SPATA13: variants seen among roughly 807,000 people sequenced by gnomAD.
SPATA13 encodes the protein spermatogenesis-associated protein 13.
In SPATA13, 50 loss-of-function variants were observed where a neutral mutation model predicts 104.0. The ratio of observed to expected loss-of-function variants is 0.48; its 90% confidence interval spans 0.38 to 0.61. The LOEUF is 0.61. SPATA13 is among the 20% of genes least tolerant of loss of function. The pLI is 0.00. For missense variants in SPATA13, 1,524 were observed against 1,690.6 expected (o/e 0.90, Z 1.73); for synonymous variants, 606 against 667.5 (o/e 0.91, Z 1.42).
chr13:24,271,831 G>T (rs1270071455), intron 4 of SPATA13, among the ~76,000 whole-genome samples: 1 of 152,208 alleles, frequency 6.6e-6, no homozygotes, highest in African/African-American at 2.4e-5. Context: ...TTTGTAGTCT[G>T]TGCTTTCTTC....
intron 4 of SPATA13, among the ~76,000 whole-genome samples, chr13:24,278,389 A>G (rs1875175545): frequency 6.6e-6 from 1 of 152,194 alleles, no homozygotes; most frequent in Non-Finnish European, 1.5e-5. Flanking sequence ...AGCTTAAATC[A>G]GTGCCTAGCA....
upstream of SPATA13, among the ~76,000 whole-genome samples, chr13:24,158,714 T>C (rs1229364248): frequency 6.6e-6 from 1 of 152,156 alleles, no homozygotes; most frequent in East Asian, 1.9e-4. Context: ...CTGTATGTGC[T>C]AAGTTGATAG....
intron 3 of SPATA13, among the ~76,000 whole-genome samples, chr13:24,137,723 C>T (rs1435714120): frequency 6.6e-6 from 1 of 152,158 alleles, no homozygotes; most frequent in Non-Finnish European, 1.5e-5. Context: ...CATGCTAATG[C>T]ACTCCAGCCT....
At chr13:24,120,137 C>T (rs946295717) in intron 3 of SPATA13, among the ~76,000 whole-genome samples, 1 of 152,104 alleles carries the variant, frequency 6.6e-6, no homozygotes, top group African/African-American at 2.4e-5. Flanking sequence ...AGTCCTCAGC[C>T]CTGTCTCCCT....
intron 4 of SPATA13, among the ~76,000 whole-genome samples, chr13:24,264,401 G>T (rs1226497164): frequency 2.0e-5 from 3 of 151,894 alleles, no homozygotes; most frequent in Admixed American, 6.6e-5. Context: ...TACAGACAAG[G>T]TCAGGCCTTA....
At chr13:24,059,902 G>A (rs945908945) in intron 3 of SPATA13, among the ~76,000 whole-genome samples, 1 of 152,154 alleles carries the variant, frequency 6.6e-6, no homozygotes, top group African/African-American at 2.4e-5. Context: ...AGTGGTAAGA[G>A]GGGCATCCTT....
intron 2 of SPATA13, among the ~76,000 whole-genome samples, chr13:23,993,553 G>T (rs1875517054): frequency 6.6e-6 from 1 of 152,206 alleles, no homozygotes; most frequent in Admixed American, 6.5e-5. Flanking sequence ...TTTCTGCCAA[G>T]GACGTTCTCG....
intron 3 of SPATA13, 160 bp from the exon 4 acceptor site, chr13:24,251,558 T>C: frequency 6.8e-7 from 1 of 1,479,232 alleles, no homozygotes; most frequent in East Asian, 2.3e-5. Context: ...GCATCATGAG[T>C]TGCCACTGGG....
intron 1 of SPATA13, among the ~76,000 whole-genome samples, chr13:24,192,415 TCTC>T (rs1869812727): frequency 6.6e-6 from 1 of 152,022 alleles, no homozygotes; most frequent in Non-Finnish European, 1.5e-5. Flanking sequence ...CTACTCTAGT[TCTC>T]CTCCTGCCCC....
At chr13:24,061,049 A>G (rs940756602) in intron 3 of SPATA13, among the ~76,000 whole-genome samples, 3 of 152,164 alleles carry the variant, frequency 2.0e-5, no homozygotes, top group African/African-American at 7.2e-5. Flanking sequence ...GCACCCCCCA[A>G]AAAGTGGGCA....
chr13:24,001,739 A>G (rs1313378418), intron 2 of SPATA13, among the ~76,000 whole-genome samples: 1 of 152,006 alleles, frequency 6.6e-6, no homozygotes, highest in African/African-American at 2.4e-5. Flanking sequence ...AAATGAAGAA[A>G]GAGAACCTGA....
intron 5 of SPATA13, among the ~76,000 whole-genome samples, chr13:24,284,688 T>A (rs1875794859): frequency 6.6e-6 from 1 of 152,116 alleles, no homozygotes; most frequent in Admixed American, 6.6e-5. Context: ...AACAACACTG[T>A]GATTCTCTGA....
At chr13:24,212,645 G>C (rs1036467571) in intron 1 of SPATA13, among the ~76,000 whole-genome samples, 8 of 152,172 alleles carry the variant, frequency 5.3e-5, no homozygotes, top group Non-Finnish European at 1.0e-4. Flanking sequence ...GGAGAGGAGA[G>C]GGAAAGGGTG....
intron 4 of SPATA13, among the ~76,000 whole-genome samples, chr13:24,265,215 A>G (rs1566179856): frequency 1.3e-5 from 2 of 152,182 alleles, no homozygotes. Flanking sequence ...CATTTCAGTC[A>G]GACCTGAACT....
intron 4 of SPATA13, chr13:24,278,839 C>G: frequency 6.3e-7 from 1 of 1,580,414 alleles, no homozygotes; most frequent in Non-Finnish European, 8.5e-7. Flanking sequence ...CATCTGACCC[C>G]AAAGCCTTGC....
chr13:24,093,862 G>C (rs1311397744), intron 3 of SPATA13, among the ~76,000 whole-genome samples: 1 of 152,144 alleles, frequency 6.6e-6, no homozygotes, highest in Non-Finnish European at 1.5e-5. Context: ...CATCTTGGAT[G>C]CTTGTTGAAA....
intron 3 of SPATA13, among the ~76,000 whole-genome samples, chr13:24,098,465 T>TG (rs1187324978): frequency 6.6e-6 from 1 of 151,854 alleles, no homozygotes; most frequent in African/African-American, 2.4e-5. Context: ...GGTGTGGTGG[T>TG]GCAAGCCTGT....
At chr13:24,077,346 C>A (rs1467807768) in intron 3 of SPATA13, among the ~76,000 whole-genome samples, 1 of 150,494 alleles carries the variant, frequency 6.6e-6, no homozygotes, top group East Asian at 1.9e-4. Context: ...GTTACAGGAG[C>A]CATGTTCTCT....
upstream of SPATA13, chr13:24,160,678 G>A (rs1354814424): frequency 6.1e-6 from 6 of 977,558 alleles, no homozygotes; most frequent in Non-Finnish European, 7.3e-6. Context: ...CCGGGCTGGG[G>A]GCGTGGCCTG....
Sources: allele counts gnomAD v4.1 joint callset (sites outside exome capture counted in the v4.1 genomes callset), GRCh38; gene constraint gnomAD v4.1.1; transcripts MANE v1.5; gene names NCBI Gene and HGNC (gene_info 2026-07-23, HGNC 2026-07-21).